Variants in THSD4 observed in about 807,000 individuals in gnomAD.
THSD4 encodes the protein thrombospondin type-1 domain-containing protein 4.
THSD4 carries 69 observed loss-of-function variants against 119.0 expected under a neutral mutation model. The observed-to-expected ratio is 0.58, with a 90% CI of 0.48 to 0.71. The LOEUF is 0.71. Among genes scored for constraint, THSD4 ranks in the 30% least tolerant of loss-of-function variants. The pLI, the probability that THSD4 is intolerant of heterozygous loss-of-function variation, is 0.00. For missense variants in THSD4, 1,393 were observed against 1,391.1 expected (o/e 1.00, Z -0.02); for synonymous variants, 524 against 540.4 (o/e 0.97, Z 0.42).
intron 1 of THSD4, among the ~76,000 whole-genome samples, chr15:71,133,380 A>G (rs1373424199): frequency 6.6e-6 from 1 of 152,166 alleles, no homozygotes; most frequent in East Asian, 1.9e-4. Context: ...GAAAGCCCCC[A>G]CCTGAGTTTG....
At chr15:71,355,012 G>A (rs2045790054) in intron 6 of THSD4, among the ~76,000 whole-genome samples, 1 of 152,132 alleles carries the variant, frequency 6.6e-6, no homozygotes, top group South Asian at 2.1e-4. Context: ...CCTAACCCCA[G>A]GGAATCCTGT....
intron 7 of THSD4, among the ~76,000 whole-genome samples, chr15:71,614,424 C>T (rs1236039888): frequency 1.3e-5 from 2 of 152,142 alleles, no homozygotes; most frequent in African/African-American, 4.8e-5. Flanking sequence ...GGTTCTCACA[C>T]CTACTCCTAA....
intron 7 of THSD4, among the ~76,000 whole-genome samples, chr15:71,537,754 T>A (rs1303956815): frequency 6.6e-6 from 1 of 152,054 alleles, no homozygotes; most frequent in Non-Finnish European, 1.5e-5. Context: ...AAAAAAATTT[T>A]TTTTTATTTT....
At chr15:71,313,304 ATG>A (rs376107673) in intron 6 of THSD4, among the ~76,000 whole-genome samples, 1 of 152,002 alleles carries the variant, frequency 6.6e-6, no homozygotes, top group Non-Finnish European at 1.5e-5. Context: ...GTGCTCACAT[ATG>A]TGTGTGTGTG....
intron 6 of THSD4, among the ~76,000 whole-genome samples, chr15:71,328,214 T>A (rs868453970): frequency 6.6e-6 from 1 of 152,334 alleles, no homozygotes; most frequent in Middle Eastern, 3.4e-3. Context: ...TTGAGTCCAA[T>A]CTTCAGTCAA....
intron 7 of THSD4, among the ~76,000 whole-genome samples, chr15:71,445,620 T>C (rs1032688359): frequency 6.6e-6 from 1 of 152,240 alleles, no homozygotes; most frequent in African/African-American, 2.4e-5. Flanking sequence ...TCATCTTGAT[T>C]GACAGGAGGT....
intron 7 of THSD4, among the ~76,000 whole-genome samples, chr15:71,453,956 C>T (rs897633942): frequency 1.3e-5 from 2 of 152,144 alleles, no homozygotes; most frequent in Non-Finnish European, 2.9e-5. Context: ...CTCAAATGTA[C>T]ATTTAAAACC....
chr15:71,371,845 G>A (rs554330516), intron 6 of THSD4, among the ~76,000 whole-genome samples: 2 of 152,308 alleles, frequency 1.3e-5, no homozygotes, highest in African/African-American at 4.8e-5. Context: ...GGTTGGGGAA[G>A]TTCTTCTGGA....
intron 7 of THSD4, among the ~76,000 whole-genome samples, chr15:71,427,556 A>C (rs7170883): frequency 6.8e-6 from 1 of 147,924 alleles, no homozygotes. Context: ...CTGGCCTCCC[A>C]GACCTTGGAG....
chr15:71,588,946 A>G (rs920562480), intron 7 of THSD4, among the ~76,000 whole-genome samples: 2 of 152,160 alleles, frequency 1.3e-5, no homozygotes, highest in South Asian at 2.1e-4. Flanking sequence ...AGTGTTGACA[A>G]TTTGGTCAGG....
In THSD4 at chr15:71,208,266, A is replaced by T. The variant is rs538391468; in HGVS notation, c.100-6769A>T. Among the ~76,000 whole-genome samples the T allele has an allele frequency of 5.3e-5, 8 of 152,200 alleles. No homozygotes were observed. The South Asian group carries it at 1.5e-3, about 28-fold the overall frequency. ...GCCCCATATATACACCTTCCTATGGATATATATTTATGCAAATGTCCCTGC... is the reference window on the plus strand; with the variant it reads ...GCCCCATATATACACCTTCCTATGGTTATATATTTATGCAAATGTCCCTGC... On this transcript the variant is annotated intron_variant, in intron 3 of 17. Coordinates refer to ENST00000261862, the MANE Select transcript of THSD4 (RefSeq NM_024817.3).
chr15:71,385,454 C>T (rs1236491644), intron 6 of THSD4, among the ~76,000 whole-genome samples: 2 of 152,140 alleles, frequency 1.3e-5, no homozygotes, highest in Non-Finnish European at 2.9e-5. Context: ...CCCTCAGAAG[C>T]AGAACAGGTT....
chr15:71,150,836 G>A (rs2040715186), intron 2 of THSD4, among the ~76,000 whole-genome samples: 1 of 152,112 alleles, frequency 6.6e-6, no homozygotes, highest in Admixed American at 6.5e-5. Flanking sequence ...TTAATTCACA[G>A]TATTTTCACT....
chr15:71,109,448 C>T (rs1305238844), intron 1 of THSD4, among the ~76,000 whole-genome samples: 1 of 152,176 alleles, frequency 6.6e-6, no homozygotes, highest in South Asian at 2.1e-4. Flanking sequence ...TTCCCTGTTG[C>T]AGAGTTTCTG....
chr15:71,146,448 T>G (rs1248118929), intron 2 of THSD4, among the ~76,000 whole-genome samples: 1 of 152,078 alleles, frequency 6.6e-6, no homozygotes, highest in Non-Finnish European at 1.5e-5. Context: ...CAGTAGTTTT[T>G]TTTTTTTTTT....
chr15:71,469,788 C>A (rs938418045), intron 7 of THSD4, among the ~76,000 whole-genome samples: 6 of 152,162 alleles, frequency 3.9e-5, no homozygotes, highest in African/African-American at 1.2e-4. Context: ...CCTGTGGCAC[C>A]TGACATATAG....
At chr15:71,663,822 T>C (rs1004018640) in intron 8 of THSD4, among the ~76,000 whole-genome samples, 1 of 152,116 alleles carries the variant, frequency 6.6e-6, no homozygotes, top group African/African-American at 2.4e-5. Flanking sequence ...AGGGTTCTGG[T>C]TTTCTTACCT....
chr15:71,640,875 A>G (rs1187530656), intron 7 of THSD4, among the ~76,000 whole-genome samples: 1 of 152,022 alleles, frequency 6.6e-6, no homozygotes. Flanking sequence ...TGATTTCTCT[A>G]AAGGACCAGG....
At chr15:71,189,665 G>A (rs565680120) in intron 3 of THSD4, among the ~76,000 whole-genome samples, 7 of 103,178 alleles carry the variant, frequency 6.8e-5, no homozygotes, top group South Asian at 3.5e-4. Context: ...GCAAGACTCC[G>A]TCTCAAAAAA....
Sources: gnomAD v4.1 joint callset for allele counts (sites outside exome capture counted in the v4.1 genomes callset) on GRCh38, gnomAD v4.1.1 for gene constraint, MANE v1.5 for transcripts, NCBI Gene and HGNC (gene_info 2026-07-23, HGNC 2026-07-21) for gene names.